INO80: variants seen among roughly 807,000 people sequenced by gnomAD.
INO80 encodes the protein chromatin-remodeling ATPase INO80.
Under a neutral mutation model 203.4 loss-of-function variants are expected in INO80, and 20 were observed. The ratio of observed to expected loss-of-function variants is 0.10; its 90% confidence interval spans 0.07 to 0.14. The LOEUF (loss-of-function observed/expected upper bound fraction) is 0.14, where lower values mean the gene tolerates loss of function less well. Ranked by LOEUF, INO80 falls within the 10% of genes least tolerant of loss-of-function variation. The pLI is 1.00. For synonymous variants in INO80, 726 were observed against 685.2 expected (o/e 1.06, Z -0.93); for missense variants, 1,419 against 1,914.4 (o/e 0.74, Z 4.83).
chr15:41,088,740 G>A (rs1473707055), intron 5 of INO80, among the ~76,000 whole-genome samples: 2 of 152,094 alleles, frequency 1.3e-5, no homozygotes, highest in East Asian at 3.9e-4. Context: ...ATTGTCTGAG[G>A]ACTGAAATAA....
chr15:41,079,094 G>A (rs2045446196), intron 9 of INO80, among the ~76,000 whole-genome samples: 1 of 152,094 alleles, frequency 6.6e-6, no homozygotes. Context: ...CCGAGATTAC[G>A]CCACTGCACT....
rs201710368 is a variant in INO80, at chr15:40,997,515, C to T, written c.3570+14G>A. 6.1e-5 allele frequency: 96 copies of T among 1,561,480 alleles called. No homozygotes were observed. Among genetic ancestry groups the T allele is most frequent in the Middle Eastern group, 1.7e-4 (1 of 5,960 alleles). ...AAACCTGCATATCTAGTTGATTGTGCTCTCATTACTTACTGTGTCTGCAGC... is the reference window on the plus strand; with the variant it reads ...AAACCTGCATATCTAGTTGATTGTGTTCTCATTACTTACTGTGTCTGCAGC... On this transcript the variant is annotated intron_variant, in intron 29 of 35. Transcript: ENST00000648947.
chr15:41,013,814 T>C (rs1177146616), intron 27 of INO80, among the ~76,000 whole-genome samples: 1 of 152,236 alleles, frequency 6.6e-6, no homozygotes, highest in East Asian at 1.9e-4. Context: ...ATGCATGTTA[T>C]ACATATGGCT....
intron 19 of INO80, among the ~76,000 whole-genome samples, chr15:41,052,747 G>C (rs80017787): frequency 4.6e-5 from 7 of 150,776 alleles, no homozygotes; most frequent in Admixed American, 2.6e-4. Flanking sequence ...CTAAGAGGTC[G>C]GGCACAGTGG....
chr15:41,008,678 T>C (rs1317764905), intron 27 of INO80, among the ~76,000 whole-genome samples: 1 of 152,212 alleles, frequency 6.6e-6, no homozygotes, highest in Non-Finnish European at 1.5e-5. Context: ...TATCAGCAGC[T>C]GAGAGCAACC....
At chr15:41,070,222 C>T (rs568250722) in intron 13 of INO80, among the ~76,000 whole-genome samples, 1 of 152,342 alleles carries the variant, frequency 6.6e-6, no homozygotes, top group East Asian at 1.9e-4. Context: ...TGCCACTACA[C>T]TGGTGGTAAT....
At chr15:41,081,893 A>C (rs892199620) in intron 7 of INO80, among the ~76,000 whole-genome samples, 5 of 152,026 alleles carry the variant, frequency 3.3e-5, no homozygotes, top group Non-Finnish European at 5.9e-5. Flanking sequence ...TAAAAAAAAA[A>C]CTCTTACTAA....
intron 9 of INO80, among the ~76,000 whole-genome samples, chr15:41,076,324 C>A (rs576034778): frequency 6.6e-6 from 1 of 152,116 alleles, no homozygotes; most frequent in Non-Finnish European, 1.5e-5. Context: ...CACGCCACTG[C>A]ACTTCAGACT....
At chr15:41,046,126 C>T (rs1290914689) in intron 23 of INO80, among the ~76,000 whole-genome samples, 1 of 147,830 alleles carries the variant, frequency 6.8e-6, no homozygotes, top group Non-Finnish European at 1.5e-5. Flanking sequence ...GGGAGAAAAG[C>T]CTAAACAGTT....
At chr15:40,991,899 G>A (rs890316394) in intron 29 of INO80, among the ~76,000 whole-genome samples, 2 of 151,932 alleles carry the variant, frequency 1.3e-5, no homozygotes, top group East Asian at 1.9e-4. Context: ...TCAGCCTCCC[G>A]AGTAGCTGGG....
At chr15:41,047,873 G>C (rs1008789347) in intron 22 of INO80, among the ~76,000 whole-genome samples, 1 of 152,200 alleles carries the variant, frequency 6.6e-6, no homozygotes, top group African/African-American at 2.4e-5. Flanking sequence ...AAGCTGAGTA[G>C]CTTCTTTTCC....
chr15:40,999,427 G>A (rs557227788), intron 28 of INO80: 1 of 152,218 alleles, frequency 6.6e-6, no homozygotes, highest in East Asian at 1.9e-4. Context: ...TAAACATCCT[G>A]GTTAATCACT....
intron 29 of INO80, among the ~76,000 whole-genome samples, chr15:40,989,481 T>C (rs957569107): frequency 6.6e-6 from 1 of 152,200 alleles, no homozygotes; most frequent in Non-Finnish European, 1.5e-5. Flanking sequence ...CAATCAAAAG[T>C]CACCAAATCC....
intron 7 of INO80, among the ~76,000 whole-genome samples, 178 bp downstream of exon 7, chr15:41,085,191 A>G (rs567265785): frequency 6.6e-6 from 1 of 152,340 alleles, no homozygotes; most frequent in East Asian, 1.9e-4. Flanking sequence ...AATTCTGACC[A>G]CATTCTAGAA....
In INO80 at chr15:41,073,477, G is replaced by A; in HGVS notation, c.1346C>T (p.Ala449Val). The A allele has an allele frequency of 6.2e-7, 1 of 1,613,944 alleles. No homozygotes were observed. The highest frequency in any genetic ancestry group is 1.3e-5 in the African/African-American group (1 of 75,020). Residue 449 changes from alanine to valine, a missense_variant, in exon 11 of 36, where the codon GCC becomes GTC. Physicochemically the swap from Ala to Val is moderately conservative, Grantham distance 64. Around this residue, in one of 9 missense-constraint regions of INO80, gnomAD observed 116 missense variants for 119.5 expected, o/e 0.97. Transcript: ENST00000648947. The part of the protein sequence containing the change: ...QEDYDSNHFK[A>V]QALKNAENAY... The stretch of plus-strand genomic sequence containing the variant: ...ATTTTCAGCATTCTTCAGGGCCTGG[G>A]CTTTAAAATGGTTACTATCTGAAAA...
At chr15:41,003,750 G>A (rs2043998715) in intron 28 of INO80, among the ~76,000 whole-genome samples, 1 of 152,154 alleles carries the variant, frequency 6.6e-6, no homozygotes, top group African/African-American at 2.4e-5. Flanking sequence ...ATCCTTAAAT[G>A]TACAGTATCA....
chr15:40,985,387 G>A lies in INO80; in HGVS notation c.3872C>T (p.Thr1291Ile). Residue 1291 changes from threonine to isoleucine, a missense_variant, in exon 32 of 36, where the codon ACC (threonine) becomes ATC (isoleucine). By Grantham distance (89) the Thr-to-Ile change is moderately conservative. Coordinates refer to ENST00000648947, the MANE Select transcript of INO80 (RefSeq NM_017553.3). The stretch of plus-strand genomic sequence containing the variant: ...CCGCTTGCGCTCTTTCACTCGGTTG[G>A]TTTCCTCCTGTTGCCGTTTCTCTTC... ...RQEEKRQQEE[T>I]NRVKERKRKR... The A allele has an allele frequency of 2.5e-6, 4 of 1,613,958 alleles. No homozygotes were observed. The highest frequency in any genetic ancestry group is 3.4e-6 in the Non-Finnish European group (4 of 1,179,964).
At chr15:41,077,218 AT>A (rs112772265) in intron 9 of INO80, among the ~76,000 whole-genome samples, 65,763 of 144,504 alleles carry the variant, frequency 0.46, 15,078 homozygotes, top group African/African-American at 0.56. Flanking sequence ...TGTTTGCTTT[AT>A]TTTTTTTTTT....
intron 1 of INO80, among the ~76,000 whole-genome samples, chr15:41,107,552 C>A (rs2045898208): frequency 6.6e-6 from 1 of 152,090 alleles, no homozygotes; most frequent in Non-Finnish European, 1.5e-5. Flanking sequence ...ATAATCCCAG[C>A]ACTTTGGGAG....
Sources: gnomAD v4.1 joint callset for allele counts (sites outside exome capture counted in the v4.1 genomes callset) on GRCh38, gnomAD v4.1.1 for gene constraint, gnomAD v4.1.1 regional missense constraint, MANE v1.5 for transcripts, NCBI Gene and HGNC (gene_info 2026-07-23, HGNC 2026-07-21) for gene names.